The following ZFAND4 variants were observed in gnomAD, a reference collection of about 807,000 sequenced individuals.
The protein encoded by ZFAND4 is AN1-type zinc finger protein 4.
ZFAND4 carries 43 observed loss-of-function variants against 64.4 expected under a neutral mutation model. The ratio of observed to expected loss-of-function variants is 0.67; its 90% confidence interval spans 0.52 to 0.86. The LOEUF is 0.86. Among genes scored for constraint, ZFAND4 ranks in the 40% least tolerant of loss-of-function variants. The pLI, the probability that ZFAND4 is intolerant of heterozygous loss-of-function variation, is 0.00. For synonymous variants in ZFAND4, 296 were observed against 305.7 expected (o/e 0.97, Z 0.33); for missense variants, 929 against 859.8 (o/e 1.08, Z -1.01).
At chr10:45,640,809 A>T (rs931360302) in intron 5 of ZFAND4, among the ~76,000 whole-genome samples, 1 of 152,190 alleles carries the variant, frequency 6.6e-6, no homozygotes, top group Non-Finnish European at 1.5e-5. Flanking sequence ...TTTTAAGTAG[A>T]GATAACTTCA....
chr10:45,644,294 T>G lies in ZFAND4; in HGVS notation c.569+4000A>C, dbSNP rs1051303223. On this transcript the variant is annotated intron_variant, in intron 5 of 9. Coordinates refer to ENST00000344646, the MANE Select transcript of ZFAND4 (RefSeq NM_174890.4). ...AGTGGATTATTTGTTAGCAATTAGATAGCAAAGCATGATGCTTATAATGCA... is the reference window on the plus strand; with the variant it reads ...AGTGGATTATTTGTTAGCAATTAGAGAGCAAAGCATGATGCTTATAATGCA... 4.6e-5 allele frequency among the ~76,000 whole-genome samples: 7 copies of G among 152,204 alleles called. No individual in the cohort carries two copies. The South Asian group carries it at 8.3e-4, about 18-fold the overall frequency.
intron 1 of ZFAND4, among the ~76,000 whole-genome samples, chr10:45,666,922 AG>A (rs2048862517): frequency 6.6e-6 from 1 of 152,218 alleles, no homozygotes; most frequent in African/African-American, 2.4e-5. Context: ...TTCTGAAATC[AG>A]GAAGTGTGAG....
chr10:45,666,716 T>C (rs1322574633), intron 1 of ZFAND4, among the ~76,000 whole-genome samples: 4 of 152,226 alleles, frequency 2.6e-5, no homozygotes, highest in African/African-American at 9.6e-5. Context: ...AGTCTAACTT[T>C]ATTCTTTTGC....
chr10:45,630,961 T>C (rs1281015562), intron 6 of ZFAND4, among the ~76,000 whole-genome samples: 1 of 123,630 alleles, frequency 8.1e-6, no homozygotes, highest in African/African-American at 3.0e-5. Flanking sequence ...ACCCTGTCTT[T>C]AAAAAAAAAA....
chr10:45,629,200 C>T (rs532173986), intron 6 of ZFAND4, among the ~76,000 whole-genome samples: 1 of 152,200 alleles, frequency 6.6e-6, no homozygotes, highest in African/African-American at 2.4e-5. Context: ...GCAGCTGGGA[C>T]TACAGACACA....
chr10:45,639,836 T>TCTTCATCTTAGCCTTCAGCAG lies in ZFAND4; in HGVS notation c.676_696dup (p.Leu226_Lys232dup). ...TTCACCTTTTTGCTGAGATTCATGT[T>TCTTCATCTTAGCCTTCAGCAG]CTTCATCTTAGCCTTCAGCAGCTTC... On this transcript the variant is annotated inframe_insertion, in exon 6 of 10. Transcript: ENST00000344646. 6.2e-7 allele frequency: 1 copy of TCTTCATCTTAGCCTTCAGCAG among 1,611,804 alleles called. No homozygotes were observed. The highest frequency in any genetic ancestry group is 8.5e-7 in the Non-Finnish European group (1 of 1,179,418).
At chr10:45,635,757 C>G (rs1185432047) in intron 6 of ZFAND4, among the ~76,000 whole-genome samples, 1 of 152,162 alleles carries the variant, frequency 6.6e-6, no homozygotes, top group Non-Finnish European at 1.5e-5. Context: ...GAAATTCTGA[C>G]ACGTTATGAC....
At chr10:45,666,093 A>C (rs1166276784) in intron 1 of ZFAND4, among the ~76,000 whole-genome samples, 1 of 152,218 alleles carries the variant, frequency 6.6e-6, no homozygotes, top group Non-Finnish European at 1.5e-5. Context: ...TTGCTAGATA[A>C]TGTGGTAACT....
intron 1 of ZFAND4, among the ~76,000 whole-genome samples, chr10:45,671,233 G>C (rs974278916): frequency 6.6e-6 from 1 of 152,204 alleles, no homozygotes; most frequent in African/African-American, 2.4e-5. Context: ...CTGTTGGTGG[G>C]ACTGTAAATT....
Position 45,616,557 on chromosome 10 carries a change from A to T in ZFAND4, c.2063T>A (p.Phe688Tyr), listed in dbSNP as rs376743660. 5.0e-6 allele frequency: 8 copies of T among 1,613,994 alleles called. No homozygotes were observed. The highest frequency in any genetic ancestry group is 2.2e-5 in the East Asian group (1 of 44,880). ...SSYECRCGNNFCASHRYAETH... is the reference protein window; with the variant it reads ...SSYECRCGNNYCASHRYAETH... ...TTCTGCATAACGATGAGATGCACAG[A>T]AGTTGTTTCCACATCTAAAGCACAA... The change falls in exon 10 of 10, where the codon TTC (phenylalanine) becomes TAC (tyrosine). Residue 688 changes from phenylalanine to tyrosine, a missense_variant. Transcript: ENST00000344646.
intron 2 of ZFAND4, among the ~76,000 whole-genome samples, chr10:45,656,355 T>C (rs1382761471): frequency 1.3e-5 from 2 of 149,548 alleles, no homozygotes; most frequent in East Asian, 3.9e-4. Flanking sequence ...ATCCCAGCAC[T>C]TTGGGAGGTT....
chr10:45,669,208 G>A (rs1277265696), intron 1 of ZFAND4, among the ~76,000 whole-genome samples: 11 of 152,248 alleles, frequency 7.2e-5, no homozygotes, highest in Admixed American at 3.9e-4. Context: ...TATCACCAGC[G>A]ATCCCACAGA....
intron 1 of ZFAND4, among the ~76,000 whole-genome samples, chr10:45,670,649 G>A (rs1226274620): frequency 6.6e-6 from 1 of 152,102 alleles, no homozygotes; most frequent in Non-Finnish European, 1.5e-5. Flanking sequence ...GCTGAAACTG[G>A]ATCCCTTCCT....
chr10:45,631,263 G>A (rs896888648), intron 6 of ZFAND4, among the ~76,000 whole-genome samples: 5 of 145,828 alleles, frequency 3.4e-5, no homozygotes, highest in African/African-American at 7.6e-5. Context: ...CTTGCAGTGC[G>A]CCGAGATCAT....
At chr10:45,627,171 G>T in intron 6 of ZFAND4, 66 bp from the exon 7 acceptor site, 2 of 1,343,932 alleles carry the variant, frequency 1.5e-6, no homozygotes, top group Non-Finnish European at 2.0e-6. Context: ...AAAAATTAGC[G>T]AAGGAAGAAA....
chr10:45,624,632 G>C lies in ZFAND4; in HGVS notation c.1878C>G (p.Thr626=). 1 of 1,613,216 alleles carries C rather than the reference G, an allele frequency of 6.2e-7. No individual in the cohort carries two copies. Among genetic ancestry groups the C allele is most frequent in the Non-Finnish European group, 8.5e-7 (1 of 1,179,624 alleles). ...QLEHTGVFLS[T]HGVGMNGNNA... ...TATTTCCATTCATTCCAACACCATG[G>C]GTAGACTACAATTAAAACACAAAAC... Residue 626 remains threonine (T), a synonymous_variant, in exon 8 of 10, where the codon ACC becomes ACG. Coordinates refer to ENST00000344646, the MANE Select transcript of ZFAND4 (RefSeq NM_174890.4).
rs2046892093 is a variant in ZFAND4 at position 45,640,251 on chromosome 10, C to T, written c.570-288G>A. 44 of 1,212,430 alleles carry T rather than the reference C, an allele frequency of 3.6e-5. No homozygotes were observed. The South Asian group carries it at 7.2e-4, about 20-fold the overall frequency. The allele number at this position is 1,212,430 out of a possible 1,614,324, so 75.1% of individuals were successfully genotyped here. ...TGTTTTGACACCTGCCATATCATTC[C>T]CAAAGAGGCAAAATCCATTTCCATG... On this transcript the variant is annotated intron_variant, in intron 5 of 9. Transcript: ENST00000344646.
intron 5 of ZFAND4, chr10:45,640,505 T>C (rs2046920061): frequency 9.4e-7 from 1 of 1,065,128 alleles, no homozygotes; most frequent in Non-Finnish European, 1.2e-6. Context: ...ACATTTTTTT[T>C]TTCTTGAGAC....
At chr10:45,671,156 C>T (rs2049158625) in intron 1 of ZFAND4, among the ~76,000 whole-genome samples, 1 of 152,072 alleles carries the variant, frequency 6.6e-6, no homozygotes, top group South Asian at 2.1e-4. Flanking sequence ...GTTAGAATGG[C>T]GATCATTAGA....
Sources: gnomAD v4.1 joint callset for allele counts (sites outside exome capture counted in the v4.1 genomes callset) on GRCh38, gnomAD v4.1.1 for gene constraint, MANE v1.5 for transcripts, NCBI Gene and HGNC (gene_info 2026-07-23, HGNC 2026-07-21) for gene names.